The following PXDN variants were observed in gnomAD, a reference collection of about 807,000 sequenced individuals.
PXDN encodes the protein peroxidasin homolog.
PXDN carries 77 observed loss-of-function variants against 140.3 expected under a neutral mutation model. The observed-to-expected ratio is 0.55, with a 90% CI of 0.46 to 0.66. PXDN has a LOEUF of 0.66. Among genes scored for constraint, PXDN ranks in the 30% least tolerant of loss-of-function variants. PXDN has a pLI of 0.00. For synonymous variants in PXDN, 911 were observed against 857.4 expected (o/e 1.06, Z -1.09); for missense variants, 1,838 against 2,039.5 (o/e 0.90, Z 1.90).
At chr2:1,637,274 T>A (rs34097071) in intron 21 of PXDN, among the ~76,000 whole-genome samples, 17,642 of 117,438 alleles carry the variant, frequency 0.15, 2,154 homozygotes, top group East Asian at 0.29. Context: ...CAGCCTGGGT[T>A]TGTCTCTGCT....
intron 8 of PXDN, chr2:1,676,687 A>C (rs766025917): frequency 3.4e-5 from 18 of 536,862 alleles, no homozygotes; most frequent in Non-Finnish European, 3.0e-5. Context: ...TTGCCCAGCC[A>C]GGGCACCCCT....
chr2:1,653,418 C>A (rs1307402605), intron 16 of PXDN: 2 of 725,774 alleles, frequency 2.8e-6, no homozygotes, highest in Non-Finnish European at 4.7e-6. Flanking sequence ...AGGGACTTCA[C>A]GTCCCCCAGA....
intron 1 of PXDN, among the ~76,000 whole-genome samples, chr2:1,718,245 G>A (rs1052133866): frequency 3.5e-5 from 5 of 141,038 alleles, no homozygotes; most frequent in African/African-American, 1.3e-4. Flanking sequence ...AACCTACTAC[G>A]CAAACCTACT....
chr2:1,740,389 C>A (rs1017252347), intron 1 of PXDN, among the ~76,000 whole-genome samples: 1 of 152,110 alleles, frequency 6.6e-6, no homozygotes, highest in East Asian at 1.9e-4. Flanking sequence ...CTCACTCAGG[C>A]GACGCAGTCT....
intron 14 of PXDN, among the ~76,000 whole-genome samples, chr2:1,658,039 T>TCGCG (rs1683194764): frequency 2.2e-5 from 1 of 46,496 alleles, no homozygotes; most frequent in African/African-American, 1.1e-4. Context: ...TCTCTCTCTC[T>TCGCG]CTCTCTCTCT....
At chr2:1,718,710 G>A (rs937913081) in intron 1 of PXDN, among the ~76,000 whole-genome samples, 4 of 152,264 alleles carry the variant, frequency 2.6e-5, no homozygotes, top group African/African-American at 7.2e-5. Context: ...CGGGCAGGGC[G>A]TGTGTGGTCC....
Position 1,639,208 on chromosome 2 carries a change from G to A in PXDN, c.4073+94C>T. The A allele has an allele frequency of 4.6e-6, 7 of 1,531,610 alleles. No homozygotes were observed. The highest frequency in any genetic ancestry group is 6.2e-6 in the Non-Finnish European group (7 of 1,135,550). The allele number at this position is 1,531,610 out of a possible 1,614,324, so 94.9% of individuals were successfully genotyped here. A position where few individuals can be genotyped will look rare whatever the true frequency, so the allele number is the denominator to read the frequency against. On this transcript the variant is annotated intron_variant, in intron 20 of 22. Coordinates refer to ENST00000252804, the MANE Select transcript of PXDN (RefSeq NM_012293.3). This position sits in a 1 kb window ranked among gnomAD's most constrained non-coding sequence, Gnocchi z 5.0. Reference sequence around the variant, plus strand: ...GACGTCCCTGCCAGGAACCATCCTCGCCACAGGCCCACAGCAGGATGCCGG... The same window carrying A: ...GACGTCCCTGCCAGGAACCATCCTCACCACAGGCCCACAGCAGGATGCCGG...
chr2:1,713,647 C>A (rs1036516655), intron 1 of PXDN, among the ~76,000 whole-genome samples: 1 of 152,190 alleles, frequency 6.6e-6, no homozygotes, highest in East Asian at 1.9e-4. Context: ...CCCGGGTGGG[C>A]GGGAGCCTCG....
intron 1 of PXDN, among the ~76,000 whole-genome samples, chr2:1,720,154 A>G (rs1572191461): frequency 1.4e-5 from 1 of 72,882 alleles, no homozygotes; most frequent in African/African-American, 5.7e-5. Flanking sequence ...AGAGAGAGAG[A>G]GAGGGAGGGA....
At chr2:1,689,010 A>G (rs1254568731) in intron 3 of PXDN, among the ~76,000 whole-genome samples, 2 of 152,020 alleles carry the variant, frequency 1.3e-5, no homozygotes, top group Non-Finnish European at 2.9e-5. Flanking sequence ...CTGACCTCAT[A>G]AAGAGTTACA....
intron 1 of PXDN, among the ~76,000 whole-genome samples, chr2:1,697,419 T>G (rs1485144774): frequency 6.6e-6 from 1 of 152,204 alleles, no homozygotes; most frequent in Non-Finnish European, 1.5e-5. Flanking sequence ...TAAAAAGTAC[T>G]TAAATTTAAG....
chr2:1,723,375 CTAAT>C (rs1385792620), intron 1 of PXDN, among the ~76,000 whole-genome samples: 4 of 150,688 alleles, frequency 2.7e-5, no homozygotes, highest in Admixed American at 2.6e-4. Flanking sequence ...GATGGATAAA[CTAAT>C]GAATGAATAG....
intron 1 of PXDN, among the ~76,000 whole-genome samples, chr2:1,730,413 GA>G (rs1685285737): frequency 6.6e-6 from 1 of 152,172 alleles, no homozygotes; most frequent in African/African-American, 2.4e-5. Context: ...GGTGAACAGG[GA>G]TGGGCAGTTG....
intron 1 of PXDN, among the ~76,000 whole-genome samples, chr2:1,738,122 G>A (rs1469068752): frequency 1.3e-5 from 2 of 151,842 alleles, no homozygotes; most frequent in African/African-American, 4.9e-5. Flanking sequence ...CATCAAACAT[G>A]GTAAAGTTGG....
chr2:1,666,527 G>C, intron 9 of PXDN, 41 bp from the exon 10 acceptor site: 6 of 1,541,494 alleles, frequency 3.9e-6, no homozygotes, highest in Non-Finnish European at 5.3e-6. Context: ...ATTTCTCCCG[G>C]TTTGACATGG....
chr2:1,654,901 G>A (rs1683094708), intron 14 of PXDN, among the ~76,000 whole-genome samples: 1 of 152,004 alleles, frequency 6.6e-6, no homozygotes, highest in Non-Finnish European at 1.5e-5. Context: ...TCTCATCAAA[G>A]GCCACAGCCT....
intron 10 of PXDN, among the ~76,000 whole-genome samples, chr2:1,665,925 ACTCT>A (rs1009961174): frequency 1.9e-4 from 29 of 151,138 alleles, no homozygotes; most frequent in Non-Finnish European, 3.2e-4. Context: ...ACACACACAC[ACTCT>A]CTCTCTCACT....
intron 18 of PXDN, 30 bp from the exon 19 acceptor site, chr2:1,643,606 G>C: frequency 3.7e-6 from 6 of 1,610,952 alleles, no homozygotes; most frequent in Non-Finnish European, 5.1e-6. Context: ...AGCAGGATCA[G>C]AGAAGGGCAG....
Position 1,635,488 on chromosome 2 carries a change from CTG to C in PXDN, c.4238_4239del (p.Thr1413ArgfsTer25). The C allele has an allele frequency of 6.3e-7, 1 of 1,598,260 alleles. No homozygotes were observed. Among genetic ancestry groups the C allele is most frequent in the African/African-American group, 1.3e-5 (1 of 74,908 alleles). On this transcript the variant is annotated frameshift_variant, in exon 22 of 23. Coordinates refer to ENST00000252804, the MANE Select transcript of PXDN (RefSeq NM_012293.3). LOFTEE classifies it high-confidence loss of function. ...IKKLESRLST[T>X]ECVDAGGESH... The stretch of plus-strand genomic sequence containing the variant: ...GATTCGCCCCCGGCATCCACGCACT[CTG>C]TGGTACTGAGCCGTGATTCAAGTTT...
Sources: gnomAD v4.1 joint callset for allele counts (sites outside exome capture counted in the v4.1 genomes callset) on GRCh38, gnomAD v4.1.1 for gene constraint, Gnocchi (gnomAD v3.1) non-coding constraint, MANE v1.5 for transcripts, NCBI Gene and HGNC (gene_info 2026-07-23, HGNC 2026-07-21) for gene names.